PLEKHG3: variants seen among roughly 807,000 people sequenced by gnomAD.
The protein encoded by PLEKHG3 is pleckstrin homology and RhoGEF domain containing G3, also known as pleckstrin homology domain-containing family G member 3.
Under a neutral mutation model 94.9 loss-of-function variants are expected in PLEKHG3, and 62 were observed. The ratio of observed to expected loss-of-function variants is 0.65; its 90% confidence interval spans 0.53 to 0.81. PLEKHG3 has a LOEUF of 0.81. Ranked by LOEUF, PLEKHG3 falls within the 30% of genes least tolerant of loss-of-function variation. The pLI is 0.00. For synonymous variants in PLEKHG3, 614 were observed against 654.0 expected, an observed-to-expected ratio of 0.94 and a Z score of 0.93; for missense variants, 1,461 against 1,619.3, an observed-to-expected ratio of 0.90 and a Z score of 1.68.
chr14:64,736,336 G>T (rs552587625), intron 12 of PLEKHG3, among the ~76,000 whole-genome samples: 1 of 152,364 alleles, frequency 6.6e-6, no homozygotes, highest in South Asian at 2.1e-4. Context: ...GGTCAGCGAG[G>T]CTTCGTGATG....
rs576471356 is a variant in PLEKHG3 at position 64,743,007 on chromosome 14, A to G, written c.2964A>G (p.Leu988=). 2.0e-5 allele frequency: 32 copies of G among 1,613,190 alleles called. No homozygotes were observed. In the East Asian group the frequency reaches 6.7e-4, roughly 34 times the overall value. The change falls in exon 17 of 17, where the codon CTA becomes CTG. Residue 988 remains leucine (L), a synonymous_variant. Coordinates refer to ENST00000247226, the MANE Select transcript of PLEKHG3 (RefSeq NM_001308147.2). The surrounding 1 kb of genome is among the most constrained non-coding windows in gnomAD (Gnocchi z 7.2). The part of the protein sequence containing the change: ...GKGKRKPVLS[L]FDYEQLMAQE... ...GTAAGAGGAAGCCGGTGCTGTCTCT[A>G]TTTGACTATGAGCAGCTGATGGCCC...
chr14:64,735,384 G>A (rs1385010535), intron 12 of PLEKHG3, among the ~76,000 whole-genome samples: 1 of 152,202 alleles, frequency 6.6e-6, no homozygotes, highest in Non-Finnish European at 1.5e-5. Flanking sequence ...GGCTGAGGTG[G>A]GAGGATCACT....
Position 64,725,623 on chromosome 14 carries a change from C to G in PLEKHG3, c.-39-1970C>G, listed in dbSNP as rs1594681241. Among the ~76,000 whole-genome samples, 1 of 152,298 alleles carries G rather than the reference C, an allele frequency of 6.6e-6. No homozygotes were observed. The highest frequency in any genetic ancestry group is 1.5e-5 in the Non-Finnish European group (1 of 68,018). ...CCAGGGGGCTCTCTTCTGAGCAGCTCAAAGAGCTTTACCAAAATGATCCTG... is the reference window on the plus strand; with the variant it reads ...CCAGGGGGCTCTCTTCTGAGCAGCTGAAAGAGCTTTACCAAAATGATCCTG... On this transcript the variant is annotated intron_variant, in intron 1 of 16. Coordinates refer to ENST00000247226, the MANE Select transcript of PLEKHG3 (RefSeq NM_001308147.2). The surrounding 1 kb of genome is among the most constrained non-coding windows in gnomAD (Gnocchi z 5.0).
rs1470309539 is a variant in PLEKHG3, at chr14:64,746,428, C to G, written c.*2725C>G. The G allele has an allele frequency of 6.5e-6, 1 of 152,754 alleles. No individual in the cohort carries two copies. The highest frequency in any genetic ancestry group is 1.5e-5 in the Non-Finnish European group (1 of 68,130). 9.5% of individuals were successfully genotyped at this position (152,754 alleles called of 1,614,324 possible). A position where few individuals can be genotyped will look rare whatever the true frequency, so the allele number is the denominator to read the frequency against. On this transcript the variant is annotated 3_prime_UTR_variant, in exon 17 of 17. Coordinates refer to ENST00000247226, the MANE Select transcript of PLEKHG3 (RefSeq NM_001308147.2). This position sits in a 1 kb window ranked among gnomAD's most constrained non-coding sequence, Gnocchi z 4.9. ...GTCTGTGCCCAACAGGGTTGCATTCCTCTGCAGCCGCCGCCTCCTCATTTC... is the reference window on the plus strand; with the variant it reads ...GTCTGTGCCCAACAGGGTTGCATTCGTCTGCAGCCGCCGCCTCCTCATTTC...
In PLEKHG3 at chr14:64,728,860, T is replaced by C; in HGVS notation, c.352-136T>C. On this transcript the variant is annotated intron_variant, in intron 2 of 16. Coordinates refer to ENST00000247226, the MANE Select transcript of PLEKHG3 (RefSeq NM_001308147.2). The surrounding 1 kb of genome is among the most constrained non-coding windows in gnomAD (Gnocchi z 5.9). Reference sequence around the variant, plus strand: ...CTGGGGTTCCAAGTGGACATGAATTTTGGGGTGGACACTGTCTCACAGTAG... The same window carrying C: ...CTGGGGTTCCAAGTGGACATGAATTCTGGGGTGGACACTGTCTCACAGTAG... 2.0e-6 allele frequency: 1 copy of C among 511,614 alleles called. No individual in the cohort carries two copies. Among genetic ancestry groups the C allele is most frequent in the Non-Finnish European group, 3.5e-6 (1 of 286,018 alleles). The allele number at this position is 511,614 out of a possible 1,614,324, so 31.7% of individuals were successfully genotyped here. A position where few individuals can be genotyped will look rare whatever the true frequency, so the allele number is the denominator to read the frequency against.
At chr14:64,708,332 A>G (rs771259279) in intron 1 of PLEKHG3, among the ~76,000 whole-genome samples, 11 of 152,104 alleles carry the variant, frequency 7.2e-5, no homozygotes, top group Non-Finnish European at 1.5e-4. Context: ...TCTGCCTCAC[A>G]GCTGGGAAGG....
At chr14:64,707,012 C>G (rs1413788983) in intron 1 of PLEKHG3, among the ~76,000 whole-genome samples, 1 of 152,236 alleles carries the variant, frequency 6.6e-6, no homozygotes, top group Non-Finnish European at 1.5e-5. Flanking sequence ...TGAGGGCTGT[C>G]TTCAGCTCCT....
rs375620071 is a variant in PLEKHG3, at chr14:64,731,027, C to A, written c.718-11C>A. ...GGGTCAGGGGCACCTAAGCGTCTAT[C>A]TTCTGCGCAGGAAATTGCCAAGCAT... On this transcript the variant is annotated splice_polypyrimidine_tract_variant and intron_variant, in intron 6 of 16. Coordinates refer to ENST00000247226, the MANE Select transcript of PLEKHG3 (RefSeq NM_001308147.2). This position sits in a 1 kb window ranked among gnomAD's most constrained non-coding sequence, Gnocchi z 6.1. 6.2e-7 allele frequency: 1 copy of A among 1,614,052 alleles called. No homozygotes were observed. The highest frequency in any genetic ancestry group is 8.5e-7 in the Non-Finnish European group (1 of 1,180,006).
In PLEKHG3 at chr14:64,739,566, A is replaced by G. The variant is rs2081643161; in HGVS notation, c.1518+711A>G. Among the ~76,000 whole-genome samples, 1 of 152,264 alleles carries G rather than the reference A, an allele frequency of 6.6e-6. No homozygotes were observed. Among genetic ancestry groups the G allele is most frequent in the African/African-American group, 2.4e-5 (1 of 41,474 alleles). On this transcript the variant is annotated intron_variant, in intron 15 of 16. Transcript: ENST00000247226. This position sits in a 1 kb window ranked among gnomAD's most constrained non-coding sequence, Gnocchi z 4.1. ...CTGAGAAGCCTGGATGATACTGGAC[A>G]GGAATGTAGCATGATGTCTTAGCTT...
Position 64,731,898 on chromosome 14 carries a change from C to T in PLEKHG3, c.1125+92C>T. On this transcript the variant is annotated intron_variant, in intron 9 of 16. Coordinates refer to ENST00000247226, the MANE Select transcript of PLEKHG3 (RefSeq NM_001308147.2). This position sits in a 1 kb window ranked among gnomAD's most constrained non-coding sequence, Gnocchi z 6.1. ...TGGCTCCTCTGCTCACCTAGCTGCCCCAAGCCCCAGTGTCTCCATCTGTGA... is the reference window on the plus strand; with the variant it reads ...TGGCTCCTCTGCTCACCTAGCTGCCTCAAGCCCCAGTGTCTCCATCTGTGA... The T allele has an allele frequency of 1.0e-6, 1 of 980,040 alleles. No homozygotes were observed. Among genetic ancestry groups the T allele is most frequent in the South Asian group, 1.3e-5 (1 of 76,222 alleles). The allele number at this position is 980,040 out of a possible 1,614,324, so 60.7% of individuals were successfully genotyped here.
chr14:64,733,274 C>G (rs1028388206), intron 12 of PLEKHG3, among the ~76,000 whole-genome samples: 5 of 151,136 alleles, frequency 3.3e-5, no homozygotes, highest in African/African-American at 1.2e-4. Context: ...AAGCGATTCT[C>G]CTGCCTCAGC....
chr14:64,742,047 G>T lies in PLEKHG3; in HGVS notation c.2530G>T (p.Glu844Ter). 1 of 1,601,430 alleles carries T rather than the reference G, an allele frequency of 6.2e-7. No individual in the cohort carries two copies. The change falls in exon 16 of 17, where the codon GAG becomes TAG. Residue 844 changes from glutamate to a stop codon, truncating the protein, a stop_gained. Transcript: ENST00000247226. LOFTEE classifies it high-confidence loss of function. ...CCAGGCCAATGGCTTTGACCTGCATGAGCCACTCTTCATCCTGGAGGAGCA... is the reference window on the plus strand; with the variant it reads ...CCAGGCCAATGGCTTTGACCTGCATTAGCCACTCTTCATCCTGGAGGAGCA... ...QGQANGFDLH[E>*]PLFILEEHEL...
In PLEKHG3 at chr14:64,730,265, A is replaced by G; in HGVS notation, c.472A>G (p.Ser158Gly). 1 of 1,535,022 alleles carries G rather than the reference A, an allele frequency of 6.5e-7. No homozygotes were observed. Among genetic ancestry groups the G allele is most frequent in the Non-Finnish European group, 8.7e-7 (1 of 1,145,900 alleles). ...LNSQLLRDLD[S>G]CNSDPVAVAS... is the part of the protein sequence containing the mutation. ...CAGCCAGCTCCTCAGAGACCTGGAC[A>G]GCTGCAATAGTGACCCCGTGGCTGT... The change falls in exon 4 of 17, where the codon AGC becomes GGC. Residue 158 changes from serine (S) to glycine (G), a missense_variant. Physicochemically the swap from Ser to Gly is moderately conservative, Grantham distance 56. This residue lies in a region of PLEKHG3 where 253 missense variants were observed against 297.8 expected (regional missense o/e 0.85). Coordinates refer to ENST00000247226, the MANE Select transcript of PLEKHG3 (RefSeq NM_001308147.2). The surrounding 1 kb of genome is among the most constrained non-coding windows in gnomAD (Gnocchi z 5.4).
At position 64,732,527 on chromosome 14, in the gene PLEKHG3, G is replaced by T; in HGVS notation, c.1246+67G>T. 7.0e-7 allele frequency: 1 copy of T among 1,431,678 alleles called. No individual in the cohort carries two copies. The highest frequency in any genetic ancestry group is 1.7e-5 in the Admixed American group (1 of 59,756). 88.7% of individuals were successfully genotyped at this position (1,431,678 alleles called of 1,614,324 possible). ...ACATTGCTAGGTCAGGCTGCATCCT[G>T]GGGAAGCTTTACCTGATAATTTTAT... On this transcript the variant is annotated intron_variant, in intron 11 of 16. Coordinates refer to ENST00000247226, the MANE Select transcript of PLEKHG3 (RefSeq NM_001308147.2). This position sits in a 1 kb window ranked among gnomAD's most constrained non-coding sequence, Gnocchi z 4.9.
In PLEKHG3 at chr14:64,704,474, C is replaced by T; in HGVS notation, c.-270C>T. 6.4e-6 allele frequency: 1 copy of T among 157,022 alleles called. No individual in the cohort carries two copies. Among genetic ancestry groups the T allele is most frequent in the South Asian group, 2.1e-4 (1 of 4,824 alleles). 9.7% of individuals were successfully genotyped at this position (157,022 alleles called of 1,614,324 possible). A position where few individuals can be genotyped will look rare whatever the true frequency, so the allele number is the denominator to read the frequency against. ...TGCCCTCCCGCTGCAGCTCCGGCTC[C>T]GCTCGACTTCCTGCCGGGCGCTGGC... On this transcript the variant is annotated 5_prime_UTR_variant, in exon 1 of 17. Coordinates refer to ENST00000247226, the MANE Select transcript of PLEKHG3 (RefSeq NM_001308147.2). This position sits in a 1 kb window ranked among gnomAD's most constrained non-coding sequence, Gnocchi z 5.6.
intron 1 of PLEKHG3, among the ~76,000 whole-genome samples, chr14:64,719,684 G>T (rs1032067162): frequency 6.6e-6 from 1 of 151,952 alleles, no homozygotes; most frequent in South Asian, 2.1e-4. Context: ...CACCCACTTG[G>T]TTCCCACCGA....
intron 1 of PLEKHG3, among the ~76,000 whole-genome samples, chr14:64,724,450 C>T (rs1266799128): frequency 6.6e-6 from 1 of 152,170 alleles, no homozygotes; most frequent in Non-Finnish European, 1.5e-5. Flanking sequence ...CAGGGCTTCT[C>T]TCGTCATCCA....
At chr14:64,737,823 C>G in intron 14 of PLEKHG3, 2 of 1,102,426 alleles carry the variant, frequency 1.8e-6, no homozygotes, top group Non-Finnish European at 2.3e-6. Flanking sequence ...GGAGGTTGCC[C>G]AAGAGGCTGG....
intron 13 of PLEKHG3, 140 bp from the exon 14 acceptor site, chr14:64,737,216 A>G: frequency 1.4e-6 from 1 of 703,048 alleles, no homozygotes; most frequent in East Asian, 2.7e-5. Context: ...AGACTAGGTG[A>G]GGGTTCTGGG....
Sources: gnomAD v4.1 joint callset for allele counts (sites outside exome capture counted in the v4.1 genomes callset) on GRCh38, gnomAD v4.1.1 for gene constraint, gnomAD v4.1.1 regional missense constraint, Gnocchi (gnomAD v3.1) non-coding constraint, MANE v1.5 for transcripts, NCBI Gene and HGNC (gene_info 2026-07-23, HGNC 2026-07-21) for gene names.